The following UBN2 variants were observed in gnomAD, a reference collection of about 807,000 sequenced individuals.
UBN2 encodes ubinuclein-2.
UBN2 carries 35 observed loss-of-function variants against 120.2 expected under a neutral mutation model. That is an observed-to-expected ratio of 0.29 (90% CI 0.22 to 0.39). UBN2 has a LOEUF of 0.39. UBN2 is among the 10% of genes least tolerant of loss of function. The pLI is 1.00. For synonymous variants in UBN2, 661 were observed against 648.7 expected (o/e 1.02, Z -0.29); for missense variants, 1,693 against 1,663.2 (o/e 1.02, Z -0.31).
chr7:139,240,454 A>ATT lies in UBN2; in HGVS notation c.561+3367_561+3368dup, dbSNP rs10682001. Among the ~76,000 whole-genome samples, 501 of 123,096 alleles carry ATT rather than the reference A, an allele frequency of 4.1e-3. 1 individual carries two copies. The highest frequency in any genetic ancestry group is 0.012 in the African/African-American group (372 of 31,228). The allele number at this position is 123,096 out of a possible 152,430, so 80.8% of individuals were successfully genotyped here. A position where few individuals can be genotyped will look rare whatever the true frequency, so the allele number is the denominator to read the frequency against. Reference sequence around the variant, plus strand: ...AATATATATATATATATATATATATATTTTTTTTTTTAAATAATTATTTGG... The same window carrying ATT: ...AATATATATATATATATATATATATATTTTTTTTTTTTTAAATAATTATTTGG... On this transcript the variant is annotated intron_variant, in intron 2 of 17. Coordinates refer to ENST00000473989, the MANE Select transcript of UBN2 (RefSeq NM_173569.4).
chr7:139,247,722 A>G (rs1026678064), intron 2 of UBN2, among the ~76,000 whole-genome samples: 1 of 152,160 alleles, frequency 6.6e-6, no homozygotes, highest in Non-Finnish European at 1.5e-5. Context: ...TGCAAATCTG[A>G]GCATTTTTTT....
downstream of UBN2, among the ~76,000 whole-genome samples, chr7:139,311,949 C>T (rs890658569): frequency 2.6e-5 from 4 of 152,156 alleles, no homozygotes; most frequent in Non-Finnish European, 5.9e-5. Context: ...GGCCTGGCTC[C>T]GCAGGGAGTC....
In UBN2 at chr7:139,283,984, T is replaced by G; in HGVS notation, c.3079T>G (p.Phe1027Val). Residue 1027 changes from phenylalanine to valine, a missense_variant, in exon 15 of 18, where the codon TTC (phenylalanine) becomes GTC (valine). Phe to Val is a conservative substitution (Grantham distance 50). Transcript: ENST00000473989. The stretch of plus-strand genomic sequence containing the variant: ...GGTGTCACAGATCTCCACGCAGGGT[T>G]TCAAATCTCCCTTCTCGATGGCTGC... ...AMVSQISTQG[F>V]KSPFSMAASP... is the part of the protein sequence containing the mutation. 6.2e-7 allele frequency: 1 copy of G among 1,613,992 alleles called. No homozygotes were observed. Among genetic ancestry groups the G allele is most frequent in the Non-Finnish European group, 8.5e-7 (1 of 1,179,970 alleles).
intron 15 of UBN2, among the ~76,000 whole-genome samples, chr7:139,287,569 G>A (rs1247458696): frequency 6.6e-6 from 1 of 151,998 alleles, no homozygotes; most frequent in Non-Finnish European, 1.5e-5. Context: ...ACTTGGCAAA[G>A]TATGAGTTTC....
chr7:139,281,948 A>G, intron 13 of UBN2, 57 bp from the exon 14 acceptor site: 2 of 1,544,822 alleles, frequency 1.3e-6, no homozygotes, highest in Non-Finnish European at 8.9e-7. Flanking sequence ...TAGAAAAAAT[A>G]CTAAGGAAGT....
rs1461624467 is a variant in UBN2 at position 139,284,230 on chromosome 7, C to G, written c.3325C>G (p.Pro1109Ala). 3 of 1,614,046 alleles carry G rather than the reference C, an allele frequency of 1.9e-6. No individual in the cohort carries two copies. In the African/African-American group the frequency reaches 4.0e-5, roughly 22 times the overall value. Reference protein sequence around the residue: ...AQGSHSSTNSPVHKQPSGMNI... With the variant: ...AQGSHSSTNSAVHKQPSGMNI... ...GGGTAGCCACTCCAGCACTAACAGCCCAGTCCATAAACAGCCCAGTGGAAT... is the reference window on the plus strand; with the variant it reads ...GGGTAGCCACTCCAGCACTAACAGCGCAGTCCATAAACAGCCCAGTGGAAT... The change falls in exon 15 of 18, where the codon CCA becomes GCA. Residue 1109 changes from proline (P) to alanine (A), a missense_variant. Pro to Ala is a conservative substitution (Grantham distance 27, BLOSUM62 -1). This residue lies in a region of UBN2 where 837 missense variants were observed against 817.6 expected (regional missense o/e 1.02). Coordinates refer to ENST00000473989, the MANE Select transcript of UBN2 (RefSeq NM_173569.4).
intron 17 of UBN2, among the ~76,000 whole-genome samples, chr7:139,296,402 G>A (rs1452805487): frequency 6.6e-6 from 1 of 152,198 alleles, no homozygotes; most frequent in African/African-American, 2.4e-5. Flanking sequence ...CCTATGGGCT[G>A]TAGTTTGCCA....
chr7:139,297,509 G>T (rs1332783061), intron 17 of UBN2, among the ~76,000 whole-genome samples: 1 of 152,110 alleles, frequency 6.6e-6, no homozygotes, highest in Admixed American at 6.6e-5. Flanking sequence ...GACACAATTG[G>T]CTGGGACGTA....
chr7:139,329,513 T>C, the UBN2 span, among the ~76,000 whole-genome samples: 1 of 152,212 alleles, frequency 6.6e-6, no homozygotes, highest in East Asian at 1.9e-4. Flanking sequence ...ATATTCAGTA[T>C]TGAGCCCCAC....
the UBN2 span, among the ~76,000 whole-genome samples, chr7:139,314,090 C>T: frequency 2.2e-4 from 33 of 151,024 alleles, no homozygotes; most frequent in African/African-American, 7.8e-4. Context: ...TCAGGTGATC[C>T]GCCTGCCTCA....
intron 10 of UBN2, 124 bp from the exon 11 acceptor site, chr7:139,273,807 G>A (rs750249843): frequency 3.9e-6 from 3 of 772,624 alleles, no homozygotes; most frequent in Non-Finnish European, 5.8e-6. Flanking sequence ...TGACTGTGGT[G>A]CAATGAATGA....
rs1482875878 is a variant in UBN2, at chr7:139,284,579, G to T, written c.3669+5G>T. On this transcript the variant is annotated splice_donor_5th_base_variant and intron_variant, in intron 15 of 17. Coordinates refer to ENST00000473989, the MANE Select transcript of UBN2 (RefSeq NM_173569.4). The stretch of plus-strand genomic sequence containing the variant: ...GTGGTAACAGCCAGTGTGCAGGTAT[G>T]TATGTTCTGTACGTCCATGTGATAA... The T allele has an allele frequency of 6.3e-7, 1 of 1,598,786 alleles. No homozygotes were observed. Among genetic ancestry groups the T allele is most frequent in the East Asian group, 2.2e-5 (1 of 44,698 alleles).
At chr7:139,296,809 G>C (rs1261476040) in intron 17 of UBN2, among the ~76,000 whole-genome samples, 2 of 152,184 alleles carry the variant, frequency 1.3e-5, no homozygotes, top group East Asian at 3.9e-4. Context: ...AGGGTCTCTT[G>C]AGCCCAGGAA....
At chr7:139,285,581 C>G (rs1797761442) in intron 15 of UBN2, among the ~76,000 whole-genome samples, 1 of 152,150 alleles carries the variant, frequency 6.6e-6, no homozygotes, top group African/African-American at 2.4e-5. Flanking sequence ...TGTGTTTTCT[C>G]TGCCTAGTTG....
chr7:139,277,495 A>G (rs1200460237), intron 12 of UBN2: 1 of 152,262 alleles, frequency 6.6e-6, no homozygotes, highest in African/African-American at 2.4e-5. Context: ...AATCATAAGG[A>G]AGAGAAATTA....
chr7:139,270,712 T>G (rs898022585), intron 8 of UBN2, among the ~76,000 whole-genome samples: 5 of 152,114 alleles, frequency 3.3e-5, no homozygotes, highest in Non-Finnish European at 2.9e-5. Flanking sequence ...TCAAAAGTAA[T>G]CATCTAGGAA....
At chr7:139,276,022 A>G (rs1024660951) in intron 11 of UBN2, 75 bp from the exon 12 acceptor site, 2 of 1,206,850 alleles carry the variant, frequency 1.7e-6, no homozygotes, top group East Asian at 2.6e-5. Flanking sequence ...AAATTAAATT[A>G]CTTTAAAAAA....
intron 17 of UBN2, among the ~76,000 whole-genome samples, chr7:139,297,413 C>T (rs1331511223): frequency 6.6e-6 from 1 of 151,878 alleles, no homozygotes; most frequent in Non-Finnish European, 1.5e-5. Flanking sequence ...ATTGACCTGT[C>T]TTCCAAAGGA....
intron 15 of UBN2, among the ~76,000 whole-genome samples, chr7:139,286,897 T>A (rs1797806918): frequency 6.6e-6 from 1 of 152,198 alleles, no homozygotes; most frequent in African/African-American, 2.4e-5. Context: ...ATTCTGCTAC[T>A]AATGTAGGCA....
Sources: gnomAD v4.1 joint callset for allele counts (sites outside exome capture counted in the v4.1 genomes callset) on GRCh38, gnomAD v4.1.1 for gene constraint, gnomAD v4.1.1 regional missense constraint, MANE v1.5 for transcripts, NCBI Gene and HGNC (gene_info 2026-07-23, HGNC 2026-07-21) for gene names.